Variants in PKD1L1 observed in about 807,000 individuals in gnomAD.
PKD1L1 encodes polycystin-1-like protein 1.
Under a neutral mutation model 323.4 loss-of-function variants are expected in PKD1L1, and 236 were observed. The observed-to-expected ratio is 0.73, with a 90% CI of 0.66 to 0.81. The LOEUF is 0.81. Among genes scored for constraint, PKD1L1 ranks in the 40% least tolerant of loss-of-function variants. The pLI, the probability that PKD1L1 is intolerant of heterozygous loss-of-function variation, is 0.00. For synonymous variants in PKD1L1, 1,344 were observed against 1,335.0 expected (o/e 1.01, Z -0.15); for missense variants, 3,320 against 3,508.0 (o/e 0.95, Z 1.35).
chr7:47,875,888 A>AT lies in PKD1L1; in HGVS notation c.3784+208dup, dbSNP rs1386209687. 2.6e-5 allele frequency among the ~76,000 whole-genome samples: 4 copies of AT among 152,264 alleles called. No individual in the cohort carries two copies. In the East Asian group the frequency reaches 7.7e-4, roughly 29 times the overall value. ...TCATTTACAGTGTATTTCAGTTAAA[A>AT]TTTAAGATATAAAAAACTGATTTAA... On this transcript the variant is annotated intron_variant, in intron 23 of 56. Coordinates refer to ENST00000289672, the MANE Select transcript of PKD1L1 (RefSeq NM_138295.5).
chr7:47,805,355 T>A (rs908875346), intron 52 of PKD1L1, among the ~76,000 whole-genome samples: 2 of 152,264 alleles, frequency 1.3e-5, no homozygotes, highest in African/African-American at 4.8e-5. Flanking sequence ...ATCTTGAAGA[T>A]GACTCGTTCT....
At chr7:47,880,266 A>ATTTT in intron 21 of PKD1L1, among the ~76,000 whole-genome samples, 1 of 64,936 alleles carries the variant, frequency 1.5e-5, no homozygotes, top group African/African-American at 9.1e-5. Context: ...ATATATATAC[A>ATTTT]TATATATATA....
At chr7:47,889,713 C>T (rs1786766958) in intron 16 of PKD1L1, among the ~76,000 whole-genome samples, 1 of 152,190 alleles carries the variant, frequency 6.6e-6, no homozygotes, top group African/African-American at 2.4e-5. Context: ...GCCCAGCCCC[C>T]TTGCCCCTAC....
intron 33 of PKD1L1, among the ~76,000 whole-genome samples, 189 bp from the exon 34 acceptor site, chr7:47,843,358 C>T (rs1030563302): frequency 2.0e-5 from 3 of 152,164 alleles, no homozygotes; most frequent in African/African-American, 4.8e-5. Context: ...GTCCAGTGAG[C>T]AGCACCCCAC....
chr7:47,958,639 T>C, the PKD1L1 span, among the ~76,000 whole-genome samples: 6 of 152,336 alleles, frequency 3.9e-5, no homozygotes, highest in Non-Finnish European at 5.9e-5. Context: ...AAACAACCGA[T>C]AGTGAAGCGA....
chr7:47,892,371 GCA>G (rs1786839419), intron 15 of PKD1L1, among the ~76,000 whole-genome samples: 1 of 152,188 alleles, frequency 6.6e-6, no homozygotes, highest in Non-Finnish European at 1.5e-5. Flanking sequence ...CAAACGGGCT[GCA>G]CAGTGAGCTG....
intron 45 of PKD1L1, among the ~76,000 whole-genome samples, chr7:47,824,803 T>C (rs1785210832): frequency 6.6e-6 from 1 of 152,198 alleles, no homozygotes; most frequent in South Asian, 2.1e-4. Flanking sequence ...TTCATGCTTC[T>C]ACATAGCTGG....
At chr7:47,912,915 TCAC>T (rs1432616317) in intron 8 of PKD1L1, among the ~76,000 whole-genome samples, 2 of 149,996 alleles carry the variant, frequency 1.3e-5, no homozygotes, top group Non-Finnish European at 3.0e-5. Context: ...GACTTTGGAA[TCAC>T]CACAAGGTAA....
chr7:47,811,151 CTTCTT>C (rs1562940880), intron 50 of PKD1L1, among the ~76,000 whole-genome samples: 6 of 87,834 alleles, frequency 6.8e-5, no homozygotes, highest in African/African-American at 9.7e-5. Context: ...TAAATGTCTC[CTTCTT>C]TTTTTTTTTT....
chr7:47,913,819 A>G (rs1287764082), intron 8 of PKD1L1, among the ~76,000 whole-genome samples: 1 of 152,236 alleles, frequency 6.6e-6, no homozygotes, highest in East Asian at 1.9e-4. Context: ...AAACTAATAC[A>G]TAAGTAGCAG....
At chr7:47,862,511 T>A (rs1167554716) in intron 26 of PKD1L1, among the ~76,000 whole-genome samples, 1 of 152,160 alleles carries the variant, frequency 6.6e-6, no homozygotes, top group South Asian at 2.1e-4. Context: ...GGAAGATCCC[T>A]GGTATCATGG....
Position 47,873,906 on chromosome 7 carries a change from C to T in PKD1L1, c.3889G>A (p.Glu1297Lys), listed in dbSNP as rs146471839. Residue 1297 changes from glutamate to lysine, a missense_variant, in exon 24 of 57, where the codon GAG (glutamate) becomes AAG (lysine). Coordinates refer to ENST00000289672, the MANE Select transcript of PKD1L1 (RefSeq NM_138295.5). Reference protein sequence around the residue: ...PRYHGNDCLGEDLYNSSLKNL... With the variant: ...PRYHGNDCLGKDLYNSSLKNL... ...TGGCATTGTGTTACTCACAGGTCCTCGCCCAGACAGTCATTTCCATGGTAG... is the reference window on the plus strand; with the variant it reads ...TGGCATTGTGTTACTCACAGGTCCTTGCCCAGACAGTCATTTCCATGGTAG... The T allele has an allele frequency of 1.2e-4, 188 of 1,612,866 alleles. No homozygotes were observed. The African/African-American group carries it at 1.7e-3, about 15-fold the overall frequency.
intron 16 of PKD1L1, among the ~76,000 whole-genome samples, chr7:47,888,904 A>C (rs1786746444): frequency 6.6e-6 from 1 of 152,058 alleles, no homozygotes; most frequent in African/African-American, 2.4e-5. Context: ...GGAGGGTTTA[A>C]AAGGCCAGGT....
intron 12 of PKD1L1, among the ~76,000 whole-genome samples, chr7:47,903,252 T>C (rs761831275): frequency 3.1e-4 from 47 of 152,188 alleles, no homozygotes; most frequent in Non-Finnish European, 5.7e-4. Context: ...TCACTTGCCA[T>C]CCTGGAGCTC....
chr7:47,923,581 A>G (rs1311185753), intron 7 of PKD1L1, among the ~76,000 whole-genome samples: 1 of 151,878 alleles, frequency 6.6e-6, no homozygotes, highest in Non-Finnish European at 1.5e-5. Flanking sequence ...GGGGCTCTTG[A>G]GCAGCCACTT....
At chr7:47,842,517 C>T (rs1164599814) in intron 34 of PKD1L1, among the ~76,000 whole-genome samples, 2 of 152,202 alleles carry the variant, frequency 1.3e-5, no homozygotes, top group Admixed American at 1.3e-4. Flanking sequence ...CTCCACAGCT[C>T]ACCGCGGCAC....
chr7:47,836,842 T>C, intron 37 of PKD1L1, 79 bp downstream of exon 37: 1 of 1,464,308 alleles, frequency 6.8e-7, no homozygotes, highest in South Asian at 1.3e-5. Flanking sequence ...ACTGTGAGCT[T>C]TGTTGATTTC....
At chr7:47,833,049 G>GCCA in intron 41 of PKD1L1, 41 bp downstream of exon 41, 1 of 1,581,822 alleles carries the variant, frequency 6.3e-7, no homozygotes, top group Non-Finnish European at 8.6e-7. Flanking sequence ...CAGGTCTGCT[G>GCCA]GACTGGCAGG....
In PKD1L1 at chr7:47,830,040, C is replaced by T; in HGVS notation, c.6558G>A (p.Met2186Ile). The T allele has an allele frequency of 6.2e-7, 1 of 1,614,042 alleles. No individual in the cohort carries two copies. The highest frequency in any genetic ancestry group is 8.5e-7 in the Non-Finnish European group (1 of 1,179,900). Reference sequence around the variant, plus strand: ...TTCTACCATGGAGGGTGTTTCTTACCATAAGTGGCTGGGTGATGAAAATAC... The same window carrying T: ...TTCTACCATGGAGGGTGTTTCTTACTATAAGTGGCTGGGTGATGAAAATAC... ...VCCIFITQPLMVCLMALGFAW... is the reference protein window; with the variant it reads ...VCCIFITQPLIVCLMALGFAW... The change falls in exon 43 of 57, where the codon ATG (methionine) becomes ATA (isoleucine). Residue 2186 changes from methionine to isoleucine, a missense_variant and splice_region_variant. Met to Ile is a conservative substitution (Grantham distance 10, BLOSUM62 1). Coordinates refer to ENST00000289672, the MANE Select transcript of PKD1L1 (RefSeq NM_138295.5).
Sources: allele counts gnomAD v4.1 joint callset (sites outside exome capture counted in the v4.1 genomes callset), GRCh38; gene constraint gnomAD v4.1.1; transcripts MANE v1.5; gene names NCBI Gene and HGNC (gene_info 2026-07-23, HGNC 2026-07-21).